Variants in PLEKHF1 observed in about 807,000 individuals in gnomAD.
PLEKHF1 encodes the protein pleckstrin homology domain-containing family F member 1.
A neutral mutation model predicts 4.1 loss-of-function variants in PLEKHF1; 1 was observed. The observed-to-expected ratio is 0.24, with a 90% CI of 0.09 to 1.15. PLEKHF1 has a LOEUF of 1.15. Among genes scored for constraint, PLEKHF1 ranks in the 50% most tolerant of loss-of-function variants. The probability of loss-of-function intolerance (pLI) is 0.52; values close to 1 mark genes in which losing one functional copy is unlikely to be tolerated. For synonymous variants in PLEKHF1, 182 were observed against 178.5 expected (o/e 1.02, Z -0.16); for missense variants, 429 against 400.6 (o/e 1.07, Z -0.60).
In PLEKHF1 at chr19:29,674,087, A is replaced by C. The variant is rs1971665309; in HGVS notation, c.248A>C (p.Glu83Ala). The C allele has an allele frequency of 6.2e-7, 1 of 1,614,042 alleles. No homozygotes were observed. Among genetic ancestry groups the C allele is most frequent in the Non-Finnish European group, 8.5e-7 (1 of 1,180,000 alleles). Reference protein sequence around the residue: ...KYRSQHIIPLEEVTLELLPET... With the variant: ...KYRSQHIIPLAEVTLELLPET... ...CGCAGCCAGCACATCATCCCCCTGGAGGAGGTCACACTGGAGCTGTTGCCG... is the reference window on the plus strand; with the variant it reads ...CGCAGCCAGCACATCATCCCCCTGGCGGAGGTCACACTGGAGCTGTTGCCG... Residue 83 changes from glutamate (E) to alanine (A), a missense_variant, in exon 2 of 2, where the codon GAG (glutamate) becomes GCG (alanine). Coordinates refer to ENST00000436066, the MANE Select transcript of PLEKHF1 (RefSeq NM_024310.5).
rs566543274 is a variant in PLEKHF1 at position 29,674,160 on chromosome 19, G to T, written c.321G>T (p.Lys107Asn). ...GCTGGATGATCAAGACGGCCAAGAA[G>T]TCCTTTGTGGTGTCGGCCGCCTCCG... is the stretch of plus-strand genomic sequence containing the variant. ...KNRWMIKTAK[K>N]SFVVSAASAT... The change falls in exon 2 of 2, where the codon AAG (lysine) becomes AAT (asparagine). Residue 107 changes from lysine to asparagine, a missense_variant. Transcript: ENST00000436066. The T allele has an allele frequency of 6.2e-7, 1 of 1,613,680 alleles. No individual in the cohort carries two copies. Among genetic ancestry groups the T allele is most frequent in the Admixed American group, 1.7e-5 (1 of 60,032 alleles).
intron 1 of PLEKHF1, chr19:29,666,918 G>T (rs1185982289): frequency 6.6e-6 from 1 of 152,278 alleles, no homozygotes; most frequent in Non-Finnish European, 1.5e-5. Flanking sequence ...CACAGGGCTG[G>T]ACAGAGCCCA....
At position 29,674,291 on chromosome 19, in the gene PLEKHF1, C is replaced by G; in HGVS notation, c.452C>G (p.Pro151Arg). The G allele has an allele frequency of 6.3e-7, 1 of 1,595,306 alleles. No individual in the cohort carries two copies. The highest frequency in any genetic ancestry group is 8.5e-7 in the Non-Finnish European group (1 of 1,176,376). The change falls in exon 2 of 2, where the codon CCC (proline) becomes CGC (arginine). Residue 151 changes from proline (P) to arginine (R), a missense_variant. Physicochemically the swap from Pro to Arg is moderately radical, Grantham distance 103. Transcript: ENST00000436066. ...ACGGAGCACGCGGCACCCTGGATCCCCGACAAGGCCACGGACATCTGCATG... is the reference window on the plus strand; with the variant it reads ...ACGGAGCACGCGGCACCCTGGATCCGCGACAAGGCCACGGACATCTGCATG... Reference protein sequence around the residue: ...PSTEHAAPWIPDKATDICMRC... With the variant: ...PSTEHAAPWIRDKATDICMRC...
rs2145583835 is a variant in PLEKHF1 at position 29,665,625 on chromosome 19, C to T, written c.-17+120C>T. On this transcript the variant is annotated intron_variant, in intron 1 of 1. Transcript: ENST00000436066. ...CTCCCGCCGCGCGGTCTTGGCGGCT[C>T]CTGGGCCGGCGGGGCGCAGTGCCGC... 2.6e-6 allele frequency: 3 copies of T among 1,169,548 alleles called. No homozygotes were observed. In the South Asian group the frequency reaches 4.7e-5, roughly 18 times the overall value. The allele number at this position is 1,169,548 out of a possible 1,614,324, so 72.4% of individuals were successfully genotyped here.
Position 29,671,012 on chromosome 19 carries a change from G to C in PLEKHF1, c.-16-2812G>C, listed in dbSNP as rs966572734. Among the ~76,000 whole-genome samples, 2 of 151,960 alleles carry C rather than the reference G, an allele frequency of 1.3e-5. No homozygotes were observed. Among genetic ancestry groups the C allele is most frequent in the African/African-American group, 4.8e-5 (2 of 41,376 alleles). Reference sequence around the variant, plus strand: ...GCTGTTTTCCTTAGGGGCTGCACCAGTTCCTATTCTCATCAGCAGTGCACA... The same window carrying C: ...GCTGTTTTCCTTAGGGGCTGCACCACTTCCTATTCTCATCAGCAGTGCACA... On this transcript the variant is annotated intron_variant, in intron 1 of 1. Transcript: ENST00000436066. The surrounding 1 kb of genome is among the most constrained non-coding windows in gnomAD (Gnocchi z 4.0).
chr19:29,668,748 A>G (rs1298410185), intron 1 of PLEKHF1, among the ~76,000 whole-genome samples: 2 of 151,956 alleles, frequency 1.3e-5, no homozygotes, highest in African/African-American at 4.8e-5. Context: ...AAGAAAGAAA[A>G]AAGCATTCCC....
chr19:29,674,194 C>G lies in PLEKHF1; in HGVS notation c.355C>G (p.Arg119Gly). 6.2e-7 allele frequency: 1 copy of G among 1,613,096 alleles called. No homozygotes were observed. The highest frequency in any genetic ancestry group is 8.5e-7 in the Non-Finnish European group (1 of 1,179,864). Residue 119 changes from arginine to glycine, a missense_variant, in exon 2 of 2, where the codon CGC becomes GGC. By Grantham distance (125) the Arg-to-Gly change is moderately radical (BLOSUM62 -2). Coordinates refer to ENST00000436066, the MANE Select transcript of PLEKHF1 (RefSeq NM_024310.5). The stretch of plus-strand genomic sequence containing the variant: ...GGTGTCGGCCGCCTCCGCTACGGAG[C>G]GCCAGGAATGGATTAGCCACATCGA... ...FVVSAASATE[R>G]QEWISHIEEC...
At chr19:29,665,774 G>A (rs1971562738) in intron 1 of PLEKHF1, 2 of 1,081,806 alleles carry the variant, frequency 1.8e-6, no homozygotes, top group Non-Finnish European at 2.3e-6. Flanking sequence ...CCGGGGAAAC[G>A]CGCAGATGTA....
At chr19:29,666,451 C>A (rs565865324) in intron 1 of PLEKHF1, among the ~76,000 whole-genome samples, 3 of 152,332 alleles carry the variant, frequency 2.0e-5, no homozygotes, top group African/African-American at 7.2e-5. Context: ...ACAGGCCAGG[C>A]AGCCCTGGGT....
At position 29,671,840 on chromosome 19, in the gene PLEKHF1, G is replaced by A. The variant is rs934580095; in HGVS notation, c.-16-1984G>A. 2.6e-5 allele frequency among the ~76,000 whole-genome samples: 4 copies of A among 152,068 alleles called. No homozygotes were observed. Among genetic ancestry groups the A allele is most frequent in the African/African-American group, 9.7e-5 (4 of 41,404 alleles). ...CAGCTCAGTGACCCAGAAACACTAT[G>A]GGTGTGATCAGCTCAGCCCCAGGCG... On this transcript the variant is annotated intron_variant, in intron 1 of 1. Transcript: ENST00000436066. This position sits in a 1 kb window ranked among gnomAD's most constrained non-coding sequence, Gnocchi z 4.0.
chr19:29,666,130 C>T (rs563752202), intron 1 of PLEKHF1, among the ~76,000 whole-genome samples: 4 of 152,264 alleles, frequency 2.6e-5, no homozygotes, highest in South Asian at 4.1e-4. Context: ...CTCGTTTCCC[C>T]AACACCTGGC....
intron 1 of PLEKHF1, chr19:29,667,106 C>G (rs757013897): frequency 1.3e-5 from 2 of 152,666 alleles, no homozygotes; most frequent in Admixed American, 1.3e-4. Context: ...CCTGACTTCA[C>G]CCATTCCACC....
At chr19:29,670,546 G>C (rs1205942054) in intron 1 of PLEKHF1, among the ~76,000 whole-genome samples, 1 of 152,154 alleles carries the variant, frequency 6.6e-6, no homozygotes, top group Non-Finnish European at 1.5e-5. Flanking sequence ...CGTTTGAGTT[G>C]CTTCCACCTC....
rs1156380276 is a variant in PLEKHF1, at chr19:29,671,105, T to C, written c.-16-2719T>C. On this transcript the variant is annotated intron_variant, in intron 1 of 1. Transcript: ENST00000436066. The surrounding 1 kb of genome is among the most constrained non-coding windows in gnomAD (Gnocchi z 4.0). The stretch of plus-strand genomic sequence containing the variant: ...TTTTTGTTTTGTTTTTTTCCCCTCC[T>C]TTTTTTTTTTTTGAGATGGAATCTC... Among the ~76,000 whole-genome samples the C allele has an allele frequency of 4.2e-5, 6 of 142,386 alleles. No homozygotes were observed. Among genetic ancestry groups the C allele is most frequent in the African/African-American group, 1.3e-4 (5 of 38,820 alleles). The allele number at this position is 142,386 out of a possible 152,430, so 93.4% of individuals were successfully genotyped here. A position where few individuals can be genotyped will look rare whatever the true frequency, so the allele number is the denominator to read the frequency against.
At chr19:29,665,530 C>T in intron 1 of PLEKHF1, 25 bp downstream of exon 1, 3 of 1,249,304 alleles carry the variant, frequency 2.4e-6, no homozygotes, top group Non-Finnish European at 3.1e-6. Flanking sequence ...CGTCCCCCGG[C>T]CGGGCTGCGG....
Position 29,674,730 on chromosome 19 carries a change from C to T in PLEKHF1, c.*51C>T, listed in dbSNP as rs774564650. 3 of 1,527,810 alleles carry T rather than the reference C, an allele frequency of 2.0e-6. No homozygotes were observed. The highest frequency in any genetic ancestry group is 2.6e-6 in the Non-Finnish European group (3 of 1,136,934). 94.6% of individuals were successfully genotyped at this position (1,527,810 alleles called of 1,614,324 possible). The stretch of plus-strand genomic sequence containing the variant: ...CCAAGCCAGCTCCACTGCCCAGGCC[C>T]CCAAGAGGGCAGCTCCAGAAGCTGC... On this transcript the variant is annotated 3_prime_UTR_variant, in exon 2 of 2. Coordinates refer to ENST00000436066, the MANE Select transcript of PLEKHF1 (RefSeq NM_024310.5).
Position 29,671,156 on chromosome 19 carries a change from A to G in PLEKHF1, c.-16-2668A>G, listed in dbSNP as rs1011423014. ...ACTCTGTCACACAGGCTGGAGTGCA[A>G]TGGCGCCATCTTGGCTCACTGCAAC... On this transcript the variant is annotated intron_variant, in intron 1 of 1. Coordinates refer to ENST00000436066, the MANE Select transcript of PLEKHF1 (RefSeq NM_024310.5). This position sits in a 1 kb window ranked among gnomAD's most constrained non-coding sequence, Gnocchi z 4.0. Among the ~76,000 whole-genome samples the G allele has an allele frequency of 4.3e-4, 63 of 146,666 alleles. No individual in the cohort carries two copies. Among genetic ancestry groups the G allele is most frequent in the African/African-American group, 1.4e-3 (54 of 39,442 alleles).
chr19:29,665,777 C>G, intron 1 of PLEKHF1: 2 of 1,081,774 alleles, frequency 1.8e-6, no homozygotes, highest in Non-Finnish European at 2.3e-6. Context: ...GGGAAACGCG[C>G]AGATGTAAGC....
At position 29,674,445 on chromosome 19, in the gene PLEKHF1, C is replaced by T. The variant is rs758935138; in HGVS notation, c.606C>T (p.Arg202=). 5 of 1,534,680 alleles carry T rather than the reference C, an allele frequency of 3.3e-6. No individual in the cohort carries two copies. Among genetic ancestry groups the T allele is most frequent in the African/African-American group, 1.4e-5 (1 of 73,042 alleles). The part of the protein sequence containing the change: ...LLPRLSPKPV[R]VCSLCYRELA... ...CGCGCCTGTCCCCCAAGCCCGTGCGCGTCTGCAGCCTCTGCTACCGCGAAC... is the reference window on the plus strand; with the variant it reads ...CGCGCCTGTCCCCCAAGCCCGTGCGTGTCTGCAGCCTCTGCTACCGCGAAC... Residue 202 remains arginine, a synonymous_variant, in exon 2 of 2, where the codon CGC becomes CGT. Coordinates refer to ENST00000436066, the MANE Select transcript of PLEKHF1 (RefSeq NM_024310.5).
Sources: allele counts gnomAD v4.1 joint callset (sites outside exome capture counted in the v4.1 genomes callset), GRCh38; gene constraint gnomAD v4.1.1; non-coding constraint Gnocchi (gnomAD v3.1); transcripts MANE v1.5; gene names NCBI Gene and HGNC (gene_info 2026-07-23, HGNC 2026-07-21).